SNTG1: variants seen among roughly 807,000 people sequenced by gnomAD.
SNTG1 encodes gamma-1-syntrophin.
In SNTG1, 39 loss-of-function variants were observed where a neutral mutation model predicts 74.7. That is an observed-to-expected ratio of 0.52 (90% CI 0.40 to 0.68). The LOEUF is 0.68. Ranked by LOEUF, SNTG1 falls within the 30% of genes least tolerant of loss-of-function variation. The pLI is 0.00. For synonymous variants in SNTG1, 254 were observed against 217.1 expected (o/e 1.17, Z -1.49); for missense variants, 685 against 609.5 (o/e 1.12, Z -1.30).
At chr8:50,307,391 T>C (rs892718941) in intron 2 of SNTG1, among the ~76,000 whole-genome samples, 2 of 152,068 alleles carry the variant, frequency 1.3e-5, no homozygotes, top group Non-Finnish European at 2.9e-5. Context: ...ATTTAGCTGA[T>C]TGGACTATAT....
At chr8:50,237,434 A>T (rs2085964846) in intron 2 of SNTG1, among the ~76,000 whole-genome samples, 1 of 152,168 alleles carries the variant, frequency 6.6e-6, no homozygotes, top group East Asian at 1.9e-4. Context: ...CTGATCATTC[A>T]TTAGATTTCT....
intron 2 of SNTG1, among the ~76,000 whole-genome samples, chr8:50,375,135 A>G (rs879022389): frequency 6.6e-6 from 1 of 152,192 alleles, no homozygotes; most frequent in Non-Finnish European, 1.5e-5. Flanking sequence ...GCAGGGCAAA[A>G]TAGTGTGTTT....
intron 1 of SNTG1, among the ~76,000 whole-genome samples, chr8:50,092,021 C>A (rs1469277804): frequency 1.3e-5 from 2 of 152,142 alleles, no homozygotes; most frequent in African/African-American, 4.8e-5. Context: ...TAAAACCCTT[C>A]TTTTCCCACT....
At chr8:50,164,074 G>A (rs912313565) in intron 1 of SNTG1, 3 of 131,904 alleles carry the variant, frequency 2.3e-5, no homozygotes, top group African/African-American at 8.5e-5. Flanking sequence ...CAGAGACTTT[G>A]ATAGAAAGAC....
intron 4 of SNTG1, among the ~76,000 whole-genome samples, chr8:50,404,883 C>T (rs1285948474): frequency 2.0e-5 from 3 of 151,994 alleles, no homozygotes; most frequent in Admixed American, 6.6e-5. Flanking sequence ...CTGGGTAGAT[C>T]TTGTAGGTGG....
At chr8:50,762,594 A>G in intron 18 of SNTG1, 1 of 385,220 alleles carries the variant, frequency 2.6e-6, no homozygotes, top group South Asian at 2.2e-5. Context: ...GGAGTCTCCA[A>G]ATACACCATC....
At chr8:50,195,947 T>C (rs2131813317) in intron 2 of SNTG1, among the ~76,000 whole-genome samples, 1 of 152,282 alleles carries the variant, frequency 6.6e-6, no homozygotes, top group African/African-American at 2.4e-5. Flanking sequence ...CGGTCCTCCA[T>C]GATGATGATT....
At chr8:50,180,318 G>T (rs955680644) in intron 2 of SNTG1, among the ~76,000 whole-genome samples, 2 of 152,140 alleles carry the variant, frequency 1.3e-5, no homozygotes, top group African/African-American at 4.8e-5. Flanking sequence ...CAAACTTGAA[G>T]TTATATAGGA....
chr8:50,186,669 CTT>C (rs568065188), intron 2 of SNTG1, among the ~76,000 whole-genome samples: 1 of 150,868 alleles, frequency 6.6e-6, no homozygotes, highest in African/African-American at 2.4e-5. Context: ...GCATAAATGT[CTT>C]TTTTTTTGAG....
intron 2 of SNTG1, among the ~76,000 whole-genome samples, chr8:50,249,285 C>A (rs1469140946): frequency 1.3e-5 from 2 of 152,194 alleles, no homozygotes; most frequent in African/African-American, 2.4e-5. Context: ...ACCCGTATGA[C>A]CTAAGAAGCT....
At chr8:49,924,390 A>G (rs1806829978) in intron 1 of SNTG1, among the ~76,000 whole-genome samples, 1 of 152,198 alleles carries the variant, frequency 6.6e-6, no homozygotes, top group Non-Finnish European at 1.5e-5. Context: ...ATCAGGGGCA[A>G]ATACAGATAA....
chr8:49,919,720 C>T lies in SNTG1; in HGVS notation c.-103+7489C>T, dbSNP rs183331395. On this transcript the variant is annotated intron_variant, in intron 1 of 18. Coordinates refer to ENST00000642720, the MANE Select transcript of SNTG1 (RefSeq NM_018967.5). Reference sequence around the variant, plus strand: ...CATTGGGGATAAAAAAATAGTTATTCCAGAACAGTTATTTTTTCTATATTT... The same window carrying T: ...CATTGGGGATAAAAAAATAGTTATTTCAGAACAGTTATTTTTTCTATATTT... 3.5e-3 allele frequency among the ~76,000 whole-genome samples: 528 copies of T among 152,112 alleles called. 3 individuals are homozygous for T. The highest frequency in any genetic ancestry group is 4.0e-3 in the Non-Finnish European group (269 of 67,944).
intron 12 of SNTG1, chr8:50,568,736 T>C (rs1214259668): frequency 6.6e-6 from 1 of 152,174 alleles, no homozygotes; most frequent in Non-Finnish European, 1.5e-5. Flanking sequence ...CCTTGACAGA[T>C]GCATAGTTTG....
At chr8:50,375,727 T>C (rs1445738865) in intron 2 of SNTG1, among the ~76,000 whole-genome samples, 1 of 152,124 alleles carries the variant, frequency 6.6e-6, no homozygotes, top group Non-Finnish European at 1.5e-5. Context: ...AGTAACCCTA[T>C]AGGTCCTTGG....
intron 2 of SNTG1, among the ~76,000 whole-genome samples, chr8:50,368,276 T>C (rs2092173127): frequency 1.3e-5 from 2 of 152,312 alleles, no homozygotes; most frequent in African/African-American, 4.8e-5. Context: ...AAAATAGCAC[T>C]TATAAGTGAT....
chr8:50,646,811 C>T (rs2095112157), intron 13 of SNTG1, among the ~76,000 whole-genome samples: 1 of 152,106 alleles, frequency 6.6e-6, no homozygotes, highest in Non-Finnish European at 1.5e-5. Context: ...TATCCAACCT[C>T]AAATCTTACT....
In SNTG1 at chr8:49,975,543, A is replaced by T. The variant is rs1300607020; in HGVS notation, c.-103+63312A>T. Among the ~76,000 whole-genome samples the T allele has an allele frequency of 7.9e-5, 12 of 152,012 alleles. No homozygotes were observed. In the East Asian group the frequency reaches 2.3e-3, roughly 30 times the overall value. On this transcript the variant is annotated intron_variant, in intron 1 of 18. Transcript: ENST00000642720. ...CACAATCTGATAATTTTTTTTTCTTATTACTGTTTTCAGGATGAGAATATG... is the reference window on the plus strand; with the variant it reads ...CACAATCTGATAATTTTTTTTTCTTTTTACTGTTTTCAGGATGAGAATATG...
intron 2 of SNTG1, among the ~76,000 whole-genome samples, chr8:50,209,343 G>A (rs370296652): frequency 8.5e-5 from 13 of 152,190 alleles, no homozygotes; most frequent in African/African-American, 2.4e-4. Context: ...CAGATGAAAC[G>A]TCTCTGTCTG....
intron 3 of SNTG1, among the ~76,000 whole-genome samples, chr8:50,400,750 A>G (rs1381070548): frequency 6.6e-6 from 1 of 152,088 alleles, no homozygotes; most frequent in Non-Finnish European, 1.5e-5. Flanking sequence ...CCTTATAGTA[A>G]GTGATGTTGG....
Sources: gnomAD v4.1 joint callset for allele counts (sites outside exome capture counted in the v4.1 genomes callset) on GRCh38, gnomAD v4.1.1 for gene constraint, MANE v1.5 for transcripts, NCBI Gene and HGNC (gene_info 2026-07-23, HGNC 2026-07-21) for gene names.